Variants in MRPS31 observed in about 807,000 individuals in gnomAD.
MRPS31 encodes small ribosomal subunit protein mS31.
MRPS31 carries 32 observed loss-of-function variants against 43.1 expected under a neutral mutation model. The observed-to-expected ratio is 0.74, with a 90% confidence interval of 0.56 to 1.00. The LOEUF is 1.00. MRPS31 is among the 50% of genes least tolerant of loss of function. MRPS31 has a pLI of 0.00. For missense variants in MRPS31, 437 were observed against 466.7 expected (o/e 0.94, Z 0.59); for synonymous variants, 165 against 161.6 (o/e 1.02, Z -0.16).
chr13:40,740,712 C>T (rs1880061272), intron 6 of MRPS31, among the ~76,000 whole-genome samples: 3 of 142,512 alleles, frequency 2.1e-5, no homozygotes, highest in Non-Finnish European at 3.0e-5. Context: ...CGCATATTCT[C>T]ACTCATAGGT....
chr13:40,736,278 A>G (rs1186035137), intron 6 of MRPS31, among the ~76,000 whole-genome samples: 2 of 152,318 alleles, frequency 1.3e-5, no homozygotes, highest in African/African-American at 4.8e-5. Context: ...ATATGGGACT[A>G]TGTGAAAAGA....
At chr13:40,741,664 T>C (rs1880095996) in intron 6 of MRPS31, among the ~76,000 whole-genome samples, 1 of 152,122 alleles carries the variant, frequency 6.6e-6, no homozygotes, top group Non-Finnish European at 1.5e-5. Flanking sequence ...TTTGTAAGTA[T>C]TTATTGCCAT....
intron 6 of MRPS31, among the ~76,000 whole-genome samples, chr13:40,746,979 G>A (rs889978488): frequency 6.6e-6 from 1 of 152,136 alleles, no homozygotes; most frequent in African/African-American, 2.4e-5. Context: ...GATCAAGTCT[G>A]TAACTTACTC....
At chr13:40,759,257 T>C in intron 2 of MRPS31, 151 bp from the exon 3 acceptor site, 1 of 504,450 alleles carries the variant, frequency 2.0e-6, no homozygotes, top group Non-Finnish European at 3.3e-6. Context: ...GCCAACATGG[T>C]GAAACCCCAT....
At chr13:40,737,899 C>A (rs1179058945) in intron 6 of MRPS31, among the ~76,000 whole-genome samples, 1 of 151,888 alleles carries the variant, frequency 6.6e-6, no homozygotes. Flanking sequence ...AGAGCAAATA[C>A]ATTCAAAAGC....
chr13:40,736,274 G>C (rs535921327), intron 6 of MRPS31, among the ~76,000 whole-genome samples: 1 of 152,150 alleles, frequency 6.6e-6, no homozygotes, highest in Non-Finnish European at 1.5e-5. Flanking sequence ...AGAAATATGG[G>C]ACTATGTGAA....
At chr13:40,730,717 C>T (rs905357495) in intron 6 of MRPS31, among the ~76,000 whole-genome samples, 7 of 151,972 alleles carry the variant, frequency 4.6e-5, no homozygotes, top group South Asian at 4.2e-4. Flanking sequence ...CCTGCCACCA[C>T]GCCCAGCTGA....
chr13:40,737,588 T>C (rs750818487), intron 6 of MRPS31, among the ~76,000 whole-genome samples: 1 of 152,188 alleles, frequency 6.6e-6, no homozygotes, highest in Non-Finnish European at 1.5e-5. Context: ...ACTATCTATC[T>C]GTCAGACCAC....
chr13:40,736,608 G>A (rs1231865178), intron 6 of MRPS31, among the ~76,000 whole-genome samples: 5 of 151,114 alleles, frequency 3.3e-5, no homozygotes, highest in Admixed American at 6.6e-5. Context: ...CAAGCCAGAA[G>A]AGAGTGGGGA....
intron 6 of MRPS31, among the ~76,000 whole-genome samples, chr13:40,734,322 G>C (rs531137339): frequency 3.3e-5 from 5 of 152,190 alleles, no homozygotes; most frequent in Non-Finnish European, 5.9e-5. Context: ...AGAAGGGACA[G>C]AAGTCCCAGG....
chr13:40,764,684 C>A (rs1038941334), intron 2 of MRPS31, among the ~76,000 whole-genome samples: 3 of 152,194 alleles, frequency 2.0e-5, no homozygotes, highest in African/African-American at 4.8e-5. Context: ...ACAAAGAAAG[C>A]CACATGTAGG....
chr13:40,739,028 T>C (rs1258711736), intron 6 of MRPS31, among the ~76,000 whole-genome samples: 3 of 152,168 alleles, frequency 2.0e-5, no homozygotes, highest in Non-Finnish European at 1.5e-5. Context: ...TGATTGTATA[T>C]CTAGAAAACC....
At chr13:40,767,403 A>G (rs891795655) in intron 1 of MRPS31, among the ~76,000 whole-genome samples, 1 of 152,246 alleles carries the variant, frequency 6.6e-6, no homozygotes, top group African/African-American at 2.4e-5. Flanking sequence ...TAACAACCAT[A>G]ACAGCAGCAA....
rs1015717904 is a variant in MRPS31, at chr13:40,769,545, C to T, written c.152+1440G>A. Among the ~76,000 whole-genome samples, 8 of 151,286 alleles carry T rather than the reference C, an allele frequency of 5.3e-5. No individual in the cohort carries two copies. The East Asian group carries it at 1.5e-3, about 29-fold the overall frequency. ...TGCTTATGAAAACGTCAGAGGCTAT[C>T]AAATCAGGCACTTAAAAATTAGAAT... On this transcript the variant is annotated intron_variant, in intron 1 of 6. Transcript: ENST00000323563.
chr13:40,765,205 A>C (rs1187672129), intron 2 of MRPS31, among the ~76,000 whole-genome samples: 1 of 152,222 alleles, frequency 6.6e-6, no homozygotes, highest in East Asian at 1.9e-4. Flanking sequence ...TCTAAGACAC[A>C]TCTTTTATAT....
At chr13:40,733,136 T>C (rs1879756999) in intron 6 of MRPS31, among the ~76,000 whole-genome samples, 1 of 151,168 alleles carries the variant, frequency 6.6e-6, no homozygotes, top group Non-Finnish European at 1.5e-5. Context: ...CCTGAGTAGC[T>C]GGGATTACAG....
In MRPS31 at chr13:40,741,792, C is replaced by A. The variant is rs966303040; in HGVS notation, c.958+7346G>T. Among the ~76,000 whole-genome samples the A allele has an allele frequency of 2.6e-5, 4 of 151,962 alleles. No homozygotes were observed. The South Asian group carries it at 6.2e-4, about 24-fold the overall frequency. ...GGTAAAAGAAATTATAGTCTGCATT[C>A]ATAACAATGGGACATATAGAACTAT... On this transcript the variant is annotated intron_variant, in intron 6 of 6. Transcript: ENST00000323563.
At chr13:40,770,886 A>ATT in intron 1 of MRPS31, 99 bp downstream of exon 1, 2 of 1,463,562 alleles carry the variant, frequency 1.4e-6, no homozygotes, top group Non-Finnish European at 1.9e-6. Context: ...CTTTCCTCAG[A>ATT]TTTAAAGCAA....
At position 40,756,975 on chromosome 13, in the gene MRPS31, G is replaced by C. The variant is rs1228233832; in HGVS notation, c.638C>G (p.Ser213Cys). Residue 213 changes from serine to cysteine, a missense_variant, in exon 4 of 7, where the codon TCT (serine) becomes TGT (cysteine). Ser to Cys is a moderately radical substitution (Grantham distance 112). Coordinates refer to ENST00000323563, the MANE Select transcript of MRPS31 (RefSeq NM_005830.4). ...TCTTGAACGAACTCTAGCTGTAGCA[G>C]ATCTGGCAACTTTCATATCTGATAT... ...NIISDMKVAR[S>C]ATARVRSRPE... The C allele has an allele frequency of 3.7e-6, 6 of 1,612,512 alleles. No individual in the cohort carries two copies. Among genetic ancestry groups the C allele is most frequent in the African/African-American group, 1.3e-5 (1 of 74,850 alleles).
Sources: gnomAD v4.1 joint callset for allele counts (sites outside exome capture counted in the v4.1 genomes callset) on GRCh38, gnomAD v4.1.1 for gene constraint, MANE v1.5 for transcripts, NCBI Gene and HGNC (gene_info 2026-07-23, HGNC 2026-07-21) for gene names.